SLC12A6: variants seen among roughly 807,000 people sequenced by gnomAD.
SLC12A6 encodes solute carrier family 12 member 6.
Under a neutral mutation model 135.3 loss-of-function variants are expected in SLC12A6, and 66 were observed. That is an observed-to-expected ratio of 0.49 (90% CI 0.40 to 0.60). The LOEUF is 0.60. Among genes scored for constraint, SLC12A6 ranks in the 20% least tolerant of loss-of-function variants. The pLI, the probability that SLC12A6 is intolerant of heterozygous loss-of-function variation, is 0.00. For missense variants in SLC12A6, 1,058 were observed against 1,452.3 expected, an observed-to-expected ratio of 0.73 and a Z score of 4.41; for synonymous variants, 513 against 508.8, an observed-to-expected ratio of 1.01 and a Z score of -0.11.
rs147008371 is a variant in SLC12A6, at chr15:34,325,587, T to A, written c.271+10823A>T. 8.9e-3 allele frequency among the ~76,000 whole-genome samples: 1,349 copies of A among 152,294 alleles called. 14 individuals are homozygous for A. Among genetic ancestry groups the A allele is most frequent in the African/African-American group, 0.03 (1,261 of 41,548 alleles). Reference sequence around the variant, plus strand: ...AACCCTGAGTAACTGAATGTCTGTGTTCATAGCTGCCAGTGCTACCTCTTT... The same window carrying A: ...AACCCTGAGTAACTGAATGTCTGTGATCATAGCTGCCAGTGCTACCTCTTT... On this transcript the variant is annotated intron_variant, in intron 2 of 25. Transcript: ENST00000354181.
At chr15:34,301,519 C>T (rs1272354081) in intron 2 of SLC12A6, among the ~76,000 whole-genome samples, 4 of 152,064 alleles carry the variant, frequency 2.6e-5, no homozygotes, top group Non-Finnish European at 5.9e-5. Context: ...TCCAATTTTT[C>T]CCAACAAGTC....
chr15:34,284,602 T>C (rs189686492), intron 2 of SLC12A6, among the ~76,000 whole-genome samples: 6 of 152,314 alleles, frequency 3.9e-5, no homozygotes, highest in Admixed American at 3.3e-4. Flanking sequence ...AGCTCTTTCA[T>C]TAATGTATTC....
At chr15:34,322,795 T>C (rs113271515) in intron 2 of SLC12A6, among the ~76,000 whole-genome samples, 26,296 of 151,380 alleles carry the variant, frequency 0.17, 2,503 homozygotes, top group East Asian at 0.33. Context: ...CCAGCCAACA[T>C]TGTGAAACCC....
Position 34,253,196 on chromosome 15 carries a change from C to T in SLC12A6, c.1119-812G>A, listed in dbSNP as rs1324373253. 2.6e-5 allele frequency among the ~76,000 whole-genome samples: 4 copies of T among 152,170 alleles called. No individual in the cohort carries two copies. The South Asian group carries it at 8.3e-4, about 32-fold the overall frequency. On this transcript the variant is annotated intron_variant, in intron 9 of 25. Transcript: ENST00000354181. The stretch of plus-strand genomic sequence containing the variant: ...TGAATACATTATTATGAACCATGTA[C>T]CTATTACTCAGCTTCAACAACTCTC...
intron 9 of SLC12A6, 93 bp downstream of exon 9, chr15:34,254,255 A>T: frequency 1.6e-6 from 2 of 1,274,332 alleles, no homozygotes; most frequent in Non-Finnish European, 2.3e-6. Context: ...TCTCAGAGAG[A>T]CTCTATGAAA....
chr15:34,254,728 T>C (rs1229477803), intron 8 of SLC12A6, 139 bp from the exon 9 acceptor site: 6 of 690,912 alleles, frequency 8.7e-6, no homozygotes, highest in South Asian at 5.4e-5. Context: ...TAGTTTCTAA[T>C]AGGATCTGAA....
chr15:34,246,912 G>A (rs991591113), intron 13 of SLC12A6, among the ~76,000 whole-genome samples: 4 of 152,168 alleles, frequency 2.6e-5, no homozygotes, highest in African/African-American at 9.7e-5. Flanking sequence ...TGGCCTCCCA[G>A]TATGCTGGAA....
At chr15:34,332,301 T>C (rs1301028413) in intron 2 of SLC12A6, among the ~76,000 whole-genome samples, 4 of 152,242 alleles carry the variant, frequency 2.6e-5, no homozygotes, top group Non-Finnish European at 4.4e-5. Flanking sequence ...CCTTAACTCA[T>C]TGCTCAGAGT....
chr15:34,314,107 GC>G (rs1373552070), intron 2 of SLC12A6, among the ~76,000 whole-genome samples: 8 of 150,610 alleles, frequency 5.3e-5, no homozygotes, highest in Non-Finnish European at 1.0e-4. Context: ...GAGTGCAGTG[GC>G]CCGATCTCAG....
chr15:34,323,354 T>C (rs1362727733), intron 2 of SLC12A6, among the ~76,000 whole-genome samples: 1 of 152,188 alleles, frequency 6.6e-6, no homozygotes, highest in Non-Finnish European at 1.5e-5. Context: ...TACTGGTCCC[T>C]GGCCTGTTAG....
intron 3 of SLC12A6, among the ~76,000 whole-genome samples, chr15:34,268,553 G>A (rs1438436340): frequency 6.6e-6 from 1 of 152,256 alleles, no homozygotes; most frequent in East Asian, 1.9e-4. Flanking sequence ...TATATTGAAA[G>A]GCAAGGATTA....
At chr15:34,285,367 T>C (rs181858591) in intron 2 of SLC12A6, among the ~76,000 whole-genome samples, 3 of 152,248 alleles carry the variant, frequency 2.0e-5, no homozygotes, top group South Asian at 2.1e-4. Context: ...ATGCTGATGA[T>C]TGGCTACAGG....
intron 19 of SLC12A6, among the ~76,000 whole-genome samples, 174 bp downstream of exon 19, chr15:34,240,487 C>A (rs1891567391): frequency 6.6e-6 from 1 of 152,132 alleles, no homozygotes; most frequent in Non-Finnish European, 1.5e-5. Flanking sequence ...TAATAAATAA[C>A]TATTTTTGGC....
rs1420673692 is a variant in SLC12A6, at chr15:34,254,441, T to C, written c.1025A>G (p.Lys342Arg). 7 of 1,613,744 alleles carry C rather than the reference T, an allele frequency of 4.3e-6. No homozygotes were observed. Among genetic ancestry groups the C allele is most frequent in the Non-Finnish European group, 5.9e-6 (7 of 1,179,816 alleles). The change falls in exon 9 of 26, where the codon AAG becomes AGG. Residue 342 changes from lysine to arginine, a missense_variant. By Grantham distance (26) the Lys-to-Arg change is conservative. Around this residue, in one of 6 missense-constraint regions of SLC12A6, gnomAD observed 297 missense variants for 318.5 expected, o/e 0.93. Coordinates refer to ENST00000354181, the MANE Select transcript of SLC12A6 (RefSeq NM_001365088.1). ...VVFIGVRYVN[K>R]FASLFLACVI... The stretch of plus-strand genomic sequence containing the variant: ...ACAGGCCAGGAAAAGTGAGGCAAAC[T>C]TGTTCACATAGCGTACGCCGATAAA...
chr15:34,252,829 A>G (rs1566814025), intron 9 of SLC12A6, among the ~76,000 whole-genome samples: 2 of 152,234 alleles, frequency 1.3e-5, no homozygotes, highest in South Asian at 4.1e-4. Flanking sequence ...TTGTTCTTAT[A>G]AAGTAAAAAG....
chr15:34,280,645 A>G (rs1325568517), intron 2 of SLC12A6, among the ~76,000 whole-genome samples: 1 of 152,186 alleles, frequency 6.6e-6, no homozygotes, highest in Admixed American at 6.6e-5. Flanking sequence ...TAGAACTACC[A>G]TATGATCCAG....
intron 2 of SLC12A6, among the ~76,000 whole-genome samples, chr15:34,322,216 C>G (rs1889140755): frequency 6.6e-6 from 1 of 152,098 alleles, no homozygotes; most frequent in Non-Finnish European, 1.5e-5. Flanking sequence ...AACATTGTCT[C>G]TACTAAAAAT....
At chr15:34,337,241 T>G (rs1480370719) in intron 1 of SLC12A6, 91 bp downstream of exon 1, 1 of 173,250 alleles carries the variant, frequency 5.8e-6, no homozygotes, top group Non-Finnish European at 1.3e-5. Context: ...TGGGGGGAGG[T>G]GTATGCAAAG....
Position 34,245,729 on chromosome 15 carries a change from T to C in SLC12A6, c.1788A>G (p.Gln596=), listed in dbSNP as rs1891937291. Reference sequence around the variant, plus strand: ...GTATGATGTTATCCTTGGCAATAGCTTGTAGCAGCCTCGGTGCACCTGTGA... The same window carrying C: ...GTATGATGTTATCCTTGGCAATAGCCTGTAGCAGCCTCGGTGCACCTGTGA... ...QSLTGAPRLL[Q]AIAKDNIIPF... is the part of the protein sequence containing the mutation. Residue 596 remains glutamine (Q), a synonymous_variant, in exon 14 of 26, where the codon CAA becomes CAG. Transcript: ENST00000354181. 1.2e-6 allele frequency: 2 copies of C among 1,613,990 alleles called. No homozygotes were observed. The highest frequency in any genetic ancestry group is 1.7e-6 in the Non-Finnish European group (2 of 1,179,890).
Sources: allele counts gnomAD v4.1 joint callset (sites outside exome capture counted in the v4.1 genomes callset), GRCh38; gene constraint gnomAD v4.1.1; regional missense constraint gnomAD v4.1.1; transcripts MANE v1.5; gene names NCBI Gene and HGNC (gene_info 2026-07-23, HGNC 2026-07-21).